Variants in NIPBL observed in about 807,000 individuals in gnomAD.
NIPBL encodes the protein nipped-B-like protein.
Under a neutral mutation model 321.8 loss-of-function variants are expected in NIPBL, and 19 were observed. The ratio of observed to expected loss-of-function variants is 0.06; its 90% CI spans 0.04 to 0.09. The LOEUF (loss-of-function observed/expected upper bound fraction) is 0.09. Ranked by LOEUF, NIPBL falls within the 10% of genes least tolerant of loss-of-function variation. The pLI is 1.00. For synonymous variants in NIPBL, 1,106 were observed against 1,114.1 expected (o/e 0.99, Z 0.14); for missense variants, 2,210 against 3,327.0 (o/e 0.66, Z 8.26).
At chr5:36,983,339 C>T (rs1373742426) in intron 9 of NIPBL, among the ~76,000 whole-genome samples, 3 of 151,642 alleles carry the variant, frequency 2.0e-5, no homozygotes, top group African/African-American at 2.4e-5. Flanking sequence ...AAGTAAATTG[C>T]GGTTATATTT....
rs1342304512 is a variant in NIPBL, at chr5:37,051,832, C to T, written c.7008C>T (p.Asn2336=). The change falls in exon 41 of 47, where the codon AAC becomes AAT. Residue 2336 remains asparagine, a synonymous_variant. Coordinates refer to ENST00000282516, the MANE Select transcript of NIPBL (RefSeq NM_133433.4). ...CAGACCCAGAACCTGCTATGCGGAA[C>T]AAGGCTGATCAGCAACTTGTGGAAA... is the stretch of plus-strand genomic sequence containing the variant. ...MGTDPEPAMR[N]KADQQLVEID... 3 of 1,613,862 alleles carry T rather than the reference C, an allele frequency of 1.9e-6. No homozygotes were observed. The highest frequency in any genetic ancestry group is 2.2e-5 in the East Asian group (1 of 44,860).
chr5:37,021,453 C>T (rs767678451), intron 27 of NIPBL, among the ~76,000 whole-genome samples: 15 of 152,072 alleles, frequency 9.9e-5, no homozygotes, highest in Non-Finnish European at 1.9e-4. Context: ...GAAGCCAAGG[C>T]GGGCAGATTA....
rs572434491 is a variant in NIPBL at position 36,904,471 on chromosome 5, AAAAC to A, written c.-80+27300_-80+27303del. ...GTGACAAGAGCAAGATTTCCTCTCA[AAAAC>A]AAACAAGCAGTTATGTATTGCCATG... is the stretch of plus-strand genomic sequence containing the variant. On this transcript the variant is annotated intron_variant, in intron 1 of 46. Transcript: ENST00000282516. Among the ~76,000 whole-genome samples, 109 of 152,350 alleles carry A rather than the reference AAAAC, an allele frequency of 7.2e-4. 1 individual carries two copies. The highest frequency in any genetic ancestry group is 5.0e-3 in the Admixed American group (76 of 15,312).
chr5:37,044,893 C>T (rs1318440401), intron 36 of NIPBL, among the ~76,000 whole-genome samples, 164 bp downstream of exon 36: 2 of 152,142 alleles, frequency 1.3e-5, no homozygotes, highest in African/African-American at 4.8e-5. Flanking sequence ...TTTGTATTTC[C>T]TGAAGAACCC....
chr5:37,020,526 A>G lies in NIPBL; in HGVS notation c.5078A>G (p.Lys1693Arg). ...DTTLETEKAM[K>R]SQKDEESSEG... Reference sequence around the variant, plus strand: ...ACTCTGGAAACAGAAAAAGCAATGAAATCACAAAAAGATGAAGAATCATCT... The same window carrying G: ...ACTCTGGAAACAGAAAAAGCAATGAGATCACAAAAAGATGAAGAATCATCT... Residue 1693 changes from lysine (K) to arginine (R), a missense_variant, in exon 26 of 47, where the codon AAA becomes AGA. Physicochemically the swap from Lys to Arg is conservative, Grantham distance 26. Around this residue, in one of 14 missense-constraint regions of NIPBL, gnomAD observed 138 missense variants for 175.8 expected, o/e 0.79. Transcript: ENST00000282516. The G allele has an allele frequency of 6.2e-7, 1 of 1,614,078 alleles. No homozygotes were observed. Among genetic ancestry groups the G allele is most frequent in the Non-Finnish European group, 8.5e-7 (1 of 1,179,946 alleles).
intron 32 of NIPBL, among the ~76,000 whole-genome samples, chr5:37,031,385 CT>C: frequency 6.6e-6 from 1 of 152,310 alleles, no homozygotes; most frequent in East Asian, 1.9e-4. Context: ...AGATTAACTT[CT>C]GTCCTGAAGG....
chr5:37,012,892 G>A (rs1309021256), intron 21 of NIPBL, among the ~76,000 whole-genome samples: 5 of 152,164 alleles, frequency 3.3e-5, no homozygotes, highest in Non-Finnish European at 7.4e-5. Context: ...GCAACCATCC[G>A]ATTTCTCAAT....
chr5:37,065,191 A>ATTTTTT lies in NIPBL; in HGVS notation c.*301_*302insTTTTTT. On this transcript the variant is annotated 3_prime_UTR_variant, in exon 47 of 47. Transcript: ENST00000282516. ...AAAAATAAACAAGTGAATGTTGGAA[A>ATTTTTT]TTAGTCTGTTAATGTTCTTAATAAA... 2.4e-6 allele frequency: 1 copy of ATTTTTT among 409,524 alleles called. No individual in the cohort carries two copies. Among genetic ancestry groups the ATTTTTT allele is most frequent in the South Asian group, 2.4e-5 (1 of 41,740 alleles). 25.4% of individuals were successfully genotyped at this position (409,524 alleles called of 1,614,324 possible).
At position 36,996,642 on chromosome 5, in the gene NIPBL, G is replaced by T. The variant is rs774665497; in HGVS notation, c.3304+838G>T. 1.0e-5 allele frequency: 4 copies of T among 392,952 alleles called. No homozygotes were observed. Among genetic ancestry groups the T allele is most frequent in the Non-Finnish European group, 1.5e-5 (3 of 197,288 alleles). 24.3% of individuals were successfully genotyped at this position (392,952 alleles called of 1,614,324 possible). ...AGAGAATTGAGCCTAGCCAAGAGGG[G>T]TCAGCAACCTTGTTTGACTTAAACG... On this transcript the variant is annotated intron_variant, in intron 11 of 46. Coordinates refer to ENST00000282516, the MANE Select transcript of NIPBL (RefSeq NM_133433.4). The surrounding 1 kb of genome is among the most constrained non-coding windows in gnomAD (Gnocchi z 5.0).
In NIPBL at chr5:37,020,565, A is replaced by T; in HGVS notation, c.5117A>T (p.His1706Leu). The T allele has an allele frequency of 6.2e-7, 1 of 1,614,066 alleles. No homozygotes were observed. Residue 1706 changes from histidine (H) to leucine (L), a missense_variant, in exon 26 of 47, where the codon CAT becomes CTT. By Grantham distance (99) the His-to-Leu change is moderately conservative. Coordinates refer to ENST00000282516, the MANE Select transcript of NIPBL (RefSeq NM_133433.4). Reference sequence around the variant, plus strand: ...GAAGAATCATCTGAAGGAACACATCATGCAAAGGAAATTGAGACAACTGGC... The same window carrying T: ...GAAGAATCATCTGAAGGAACACATCTTGCAAAGGAAATTGAGACAACTGGC... ...KDEESSEGTH[H>L]AKEIETTGQI...
intron 16 of NIPBL, among the ~76,000 whole-genome samples, chr5:37,005,029 A>G (rs917240251): frequency 4.6e-5 from 7 of 152,180 alleles, no homozygotes; most frequent in African/African-American, 1.2e-4. Context: ...ATTTGAATGC[A>G]GCCCAACACA....
chr5:36,876,971 TGTGA>T lies in NIPBL; in HGVS notation c.-283_-280del, dbSNP rs887654977. The T allele has an allele frequency of 2.8e-5, 11 of 392,334 alleles. No individual in the cohort carries two copies. The highest frequency in any genetic ancestry group is 1.9e-4 in the African/African-American group (9 of 47,996). The allele number at this position is 392,334 out of a possible 1,614,324, so 24.3% of individuals were successfully genotyped here. A position where few individuals can be genotyped will look rare whatever the true frequency, so the allele number is the denominator to read the frequency against. ...TAGCTCGGGCCCGTGGTCGGGTGTT[TGTGA>T]GTGTTTCTATGTGGGAGAAGGAGGA... On this transcript the variant is annotated 5_prime_UTR_variant, in exon 1 of 47. Coordinates refer to ENST00000282516, the MANE Select transcript of NIPBL (RefSeq NM_133433.4).
chr5:37,006,630 T>A, intron 17 of NIPBL, 42 bp downstream of exon 17: 2 of 1,358,390 alleles, frequency 1.5e-6, no homozygotes, highest in Non-Finnish European at 2.1e-6. Context: ...ATTTTTGCCA[T>A]GTTAGATGAG....
intron 1 of NIPBL, among the ~76,000 whole-genome samples, chr5:36,914,056 T>A (rs890216371): frequency 3.9e-5 from 6 of 152,210 alleles, no homozygotes; most frequent in Admixed American, 6.5e-5. Context: ...TGTATATCTG[T>A]ACACCTGGAA....
intron 2 of NIPBL, among the ~76,000 whole-genome samples, chr5:36,954,743 A>G (rs1740756056): frequency 6.6e-6 from 1 of 152,174 alleles, no homozygotes; most frequent in South Asian, 2.1e-4. Context: ...GCTGAGCACC[A>G]TGATAATTAT....
At chr5:37,017,586 T>TG (rs1210230271) in intron 24 of NIPBL, among the ~76,000 whole-genome samples, 17 of 151,224 alleles carry the variant, frequency 1.1e-4, no homozygotes, top group Admixed American at 2.0e-4. Context: ...GTTTTCATCT[T>TG]GGGGGAAAAA....
At position 37,027,374 on chromosome 5, in the gene NIPBL, G is replaced by C; in HGVS notation, c.5824G>C (p.Asp1942His). Residue 1942 changes from aspartate (D) to histidine (H), a missense_variant, in exon 32 of 47, where the codon GAT becomes CAT. Around this residue, in one of 14 missense-constraint regions of NIPBL, gnomAD observed 69 missense variants for 100.8 expected, o/e 0.68. Transcript: ENST00000282516. Reference sequence around the variant, plus strand: ...TCACCCTTAGGTTGCAGCATGCAGAGATACTGGATATGACTGGTTTGAGCA... The same window carrying C: ...TCACCCTTAGGTTGCAGCATGCAGACATACTGGATATGACTGGTTTGAGCA... ...NITDVVAACR[D>H]TGYDWFEQLL... The C allele has an allele frequency of 6.2e-7, 1 of 1,612,560 alleles. No homozygotes were observed. Among genetic ancestry groups the C allele is most frequent in the Non-Finnish European group, 8.5e-7 (1 of 1,178,792 alleles).
chr5:37,048,665 A>C lies in NIPBL; in HGVS notation c.6753A>C (p.Ala2251=). The C allele has an allele frequency of 6.2e-7, 1 of 1,608,054 alleles. No individual in the cohort carries two copies. Among genetic ancestry groups the C allele is most frequent in the Non-Finnish European group, 8.5e-7 (1 of 1,175,862 alleles). ...LQEEDTRMQQ[A]DRDWKKVAKQ... ...AAGAAGATACACGTATGCAGCAGGC[A>C]GATAGAGACTGTAAGTGAAAATATA... The change falls in exon 39 of 47, where the codon GCA becomes GCC. Residue 2251 remains alanine, a synonymous_variant. Coordinates refer to ENST00000282516, the MANE Select transcript of NIPBL (RefSeq NM_133433.4).
At chr5:37,027,161 A>G (rs368016538) in intron 31 of NIPBL, among the ~76,000 whole-genome samples, 198 bp from the exon 32 acceptor site, 51 of 152,308 alleles carry the variant, frequency 3.3e-4, no homozygotes, top group East Asian at 9.6e-4. Flanking sequence ...AATTTCTTCA[A>G]TGTTTTCCAA....
Sources: allele counts gnomAD v4.1 joint callset (sites outside exome capture counted in the v4.1 genomes callset), GRCh38; gene constraint gnomAD v4.1.1; regional missense constraint gnomAD v4.1.1; non-coding constraint Gnocchi (gnomAD v3.1); transcripts MANE v1.5; gene names NCBI Gene and HGNC (gene_info 2026-07-23, HGNC 2026-07-21).